CAMK2D: variants seen among roughly 807,000 people sequenced by gnomAD.
CAMK2D encodes calcium/calmodulin-dependent protein kinase type II subunit delta.
CAMK2D carries 37 observed loss-of-function variants against 84.0 expected under a neutral mutation model. That is an observed-to-expected ratio of 0.44 (90% confidence interval 0.34 to 0.58). CAMK2D has a LOEUF of 0.58. Among genes scored for constraint, CAMK2D ranks in the 20% least tolerant of loss-of-function variants. The pLI, the probability that CAMK2D is intolerant of heterozygous loss-of-function variation, is 0.02. For missense variants in CAMK2D, 448 were observed against 652.5 expected, an observed-to-expected ratio of 0.69 and a Z score of 3.41; for synonymous variants, 202 against 212.5, an observed-to-expected ratio of 0.95 and a Z score of 0.43.
At chr4:113,492,274 C>T (rs2097855155) in intron 16 of CAMK2D, among the ~76,000 whole-genome samples, 1 of 151,888 alleles carries the variant, frequency 6.6e-6, no homozygotes, top group Non-Finnish European at 1.5e-5. Flanking sequence ...CTCTTTTTGG[C>T]ATTTAGTGCT....
chr4:113,638,384 G>C (rs976162164), intron 3 of CAMK2D, among the ~76,000 whole-genome samples: 6 of 152,110 alleles, frequency 3.9e-5, no homozygotes, highest in Admixed American at 3.9e-4. Context: ...TGGAGAATAT[G>C]AGCCTGCGAA....
chr4:113,492,124 T>G (rs1298607058), intron 16 of CAMK2D, among the ~76,000 whole-genome samples: 6 of 152,132 alleles, frequency 3.9e-5, no homozygotes, highest in African/African-American at 9.7e-5. Context: ...TAAAGGGTTT[T>G]TTGTGTCTCT....
At chr4:113,557,066 A>G (rs1591188917) in intron 4 of CAMK2D, among the ~76,000 whole-genome samples, 1 of 152,144 alleles carries the variant, frequency 6.6e-6, no homozygotes, top group African/African-American at 2.4e-5. Context: ...ACAGATCTCT[A>G]ACTAAATCTT....
chr4:113,497,137 C>A (rs1298057782), intron 16 of CAMK2D, among the ~76,000 whole-genome samples: 1 of 149,704 alleles, frequency 6.7e-6, no homozygotes, highest in Non-Finnish European at 1.5e-5. Context: ...TTAGGTAAAA[C>A]ATGCATATAT....
At position 113,761,540 on chromosome 4, in the gene CAMK2D, G is replaced by T. The variant is rs796807091; in HGVS notation, c.-472C>A. On this transcript the variant is annotated 5_prime_UTR_variant, in exon 1 of 21. Coordinates refer to ENST00000511664, the MANE Select transcript of CAMK2D (RefSeq NM_001321571.2). Reference sequence around the variant, plus strand: ...AGTGCAGCGGGGCCGAGGCCGCGGAGCCCAGAGCGGACAGCCTGAGCCCAG... The same window carrying T: ...AGTGCAGCGGGGCCGAGGCCGCGGATCCCAGAGCGGACAGCCTGAGCCCAG... 4 of 998,932 alleles carry T rather than the reference G, an allele frequency of 4.0e-6. No homozygotes were observed. The highest frequency in any genetic ancestry group is 4.8e-6 in the Non-Finnish European group (4 of 838,290). 61.9% of individuals were successfully genotyped at this position (998,932 alleles called of 1,614,324 possible).
intron 2 of CAMK2D, among the ~76,000 whole-genome samples, chr4:113,739,550 G>C (rs1463009960): frequency 1.3e-5 from 2 of 152,106 alleles, no homozygotes; most frequent in Non-Finnish European, 2.9e-5. Flanking sequence ...AAAAGTCTAT[G>C]ATACAAATAA....
intron 9 of CAMK2D, among the ~76,000 whole-genome samples, chr4:113,515,687 TCAATTCCTGTGC>T (rs1359596909): frequency 8.5e-5 from 13 of 152,152 alleles, no homozygotes; most frequent in Non-Finnish European, 8.8e-5. Context: ...TAAAACAGCT[TCAATTCCTGTGC>T]CAAAACTGAC....
chr4:113,689,769 A>G (rs2099379501), intron 2 of CAMK2D, among the ~76,000 whole-genome samples: 1 of 152,142 alleles, frequency 6.6e-6, no homozygotes, highest in Admixed American at 6.5e-5. Context: ...AGCACTTACT[A>G]CAATCTGAAA....
rs534856876 is a variant in CAMK2D at position 113,531,392 on chromosome 4, T to C, written c.518-93A>G. The C allele has an allele frequency of 3.6e-5, 26 of 721,368 alleles. 1 individual carries two copies. The highest frequency in any genetic ancestry group is 3.0e-4 in the South Asian group (20 of 66,576). 44.7% of individuals were successfully genotyped at this position (721,368 alleles called of 1,614,324 possible). On this transcript the variant is annotated intron_variant, in intron 7 of 20. Coordinates refer to ENST00000511664, the MANE Select transcript of CAMK2D (RefSeq NM_001321571.2). ...AAGAAAAATATCGGGGGCTTCTTTA[T>C]CTGATTATATGTTTTTCAAAACACA...
At position 113,478,967 on chromosome 4, in the gene CAMK2D, C is replaced by G. The variant is rs78712922; in HGVS notation, c.1136-13363G>C. On this transcript the variant is annotated intron_variant, in intron 16 of 20. Coordinates refer to ENST00000511664, the MANE Select transcript of CAMK2D (RefSeq NM_001321571.2). ...CTTTTCCTGAAATCCAAATTCTCTC[C>G]ATAACATTTACCATCTGTGTTTTGC... 5.3e-3 allele frequency among the ~76,000 whole-genome samples: 808 copies of G among 152,174 alleles called. 8 individuals are homozygous for G. Among genetic ancestry groups the G allele is most frequent in the African/African-American group, 0.018 (755 of 41,512 alleles).
chr4:113,690,181 A>G (rs2099382751), intron 2 of CAMK2D, among the ~76,000 whole-genome samples: 1 of 152,150 alleles, frequency 6.6e-6, no homozygotes, highest in African/African-American at 2.4e-5. Flanking sequence ...AACAAAAGAA[A>G]ATTCTTGAAC....
At chr4:113,724,394 A>G (rs1471460922) in intron 2 of CAMK2D, among the ~76,000 whole-genome samples, 2 of 151,964 alleles carry the variant, frequency 1.3e-5, no homozygotes, top group East Asian at 3.8e-4. Context: ...ATAAATGTAT[A>G]CAATATTAAC....
intron 4 of CAMK2D, among the ~76,000 whole-genome samples, chr4:113,577,650 T>C (rs773269823): frequency 7.9e-5 from 12 of 152,206 alleles, no homozygotes; most frequent in Non-Finnish European, 1.8e-4. Context: ...GCTCACTCTT[T>C]ATTGAATATG....
rs951237717 is a variant in CAMK2D, at chr4:113,661,783, A to T, written c.161-11T>A. 1 of 1,447,718 alleles carries T rather than the reference A, an allele frequency of 6.9e-7. No individual in the cohort carries two copies. The highest frequency in any genetic ancestry group is 9.4e-7 in the Non-Finnish European group (1 of 1,068,338). 89.7% of individuals were successfully genotyped at this position (1,447,718 alleles called of 1,614,324 possible). On this transcript the variant is annotated splice_polypyrimidine_tract_variant and intron_variant, in intron 2 of 20. Coordinates refer to ENST00000511664, the MANE Select transcript of CAMK2D (RefSeq NM_001321571.2). The stretch of plus-strand genomic sequence containing the variant: ...CTAGTTTCTGATGATCTGTTAAAAA[A>T]AAAAACAGAATAAGGCAAAAATAAA...
chr4:113,617,292 A>T (rs1047458076), intron 3 of CAMK2D, among the ~76,000 whole-genome samples: 1 of 151,862 alleles, frequency 6.6e-6, no homozygotes, highest in African/African-American at 2.4e-5. Flanking sequence ...ACATGGTGAG[A>T]CCCTGTCTCT....
intron 17 of CAMK2D, among the ~76,000 whole-genome samples, chr4:113,462,295 T>TCTGC (rs2097392898): frequency 6.9e-5 from 7 of 101,394 alleles, no homozygotes. Flanking sequence ...TGTGTGTGTG[T>TCTGC]CTGTCTGTCT....
At position 113,599,675 on chromosome 4, in the gene CAMK2D, C is replaced by T. The variant is rs570017470; in HGVS notation, c.275+9477G>A. 1.8e-4 allele frequency among the ~76,000 whole-genome samples: 27 copies of T among 152,140 alleles called. 1 individual carries two copies. In the South Asian group the frequency reaches 5.4e-3, roughly 30 times the overall value. ...CTAATAGCCTACTGTTGACTGGAAGCCTGAAGGATAACAGAGTTGATTAAC... is the reference window on the plus strand; with the variant it reads ...CTAATAGCCTACTGTTGACTGGAAGTCTGAAGGATAACAGAGTTGATTAAC... On this transcript the variant is annotated intron_variant, in intron 4 of 20. Transcript: ENST00000511664.
chr4:113,496,589 C>A (rs896773322), intron 16 of CAMK2D, among the ~76,000 whole-genome samples: 19 of 152,056 alleles, frequency 1.2e-4, no homozygotes, highest in Admixed American at 5.2e-4. Context: ...GCTGGGATTA[C>A]AGGCGCGTAC....
At chr4:113,707,507 A>G (rs765396256) in intron 2 of CAMK2D, among the ~76,000 whole-genome samples, 3 of 152,322 alleles carry the variant, frequency 2.0e-5, no homozygotes, top group Non-Finnish European at 4.4e-5. Flanking sequence ...TGGGTTACTA[A>G]GGAAAATTGT....
Sources: allele counts gnomAD v4.1 joint callset (sites outside exome capture counted in the v4.1 genomes callset), GRCh38; gene constraint gnomAD v4.1.1; transcripts MANE v1.5; gene names NCBI Gene and HGNC (gene_info 2026-07-23, HGNC 2026-07-21).